Variants in TMTC2 observed in about 807,000 individuals in gnomAD.
TMTC2 encodes transmembrane O-mannosyltransferase targeting cadherins 2, also known as protein O-mannosyl-transferase TMTC2.
Under a neutral mutation model 82.4 loss-of-function variants are expected in TMTC2, and 43 were observed. The ratio of observed to expected loss-of-function variants is 0.52; its 90% CI spans 0.41 to 0.67. TMTC2 has a LOEUF of 0.67. Among genes scored for constraint, TMTC2 ranks in the 30% least tolerant of loss-of-function variants. The pLI is 0.00. For synonymous variants in TMTC2, 408 were observed against 381.9 expected (o/e 1.07, Z -0.80); for missense variants, 919 against 1,012.4 (o/e 0.91, Z 1.25).
chr12:82,852,106 T>C (rs1871005970), intron 1 of TMTC2, among the ~76,000 whole-genome samples: 1 of 151,312 alleles, frequency 6.6e-6, no homozygotes, highest in Non-Finnish European at 1.5e-5. Flanking sequence ...ACTATCTTTT[T>C]TTTTTTTTTT....
At chr12:82,874,468 CT>C (rs1872377779) in intron 2 of TMTC2, among the ~76,000 whole-genome samples, 1 of 152,144 alleles carries the variant, frequency 6.6e-6, no homozygotes, top group South Asian at 2.1e-4. Context: ...GAAAGATGGG[CT>C]TCTTGTGCAG....
intron 8 of TMTC2, among the ~76,000 whole-genome samples, chr12:83,003,022 G>A (rs912143668): frequency 1.1e-4 from 17 of 152,128 alleles, no homozygotes; most frequent in African/African-American, 3.9e-4. Context: ...GGGAGTTAAA[G>A]CCTCCCACTA....
intron 4 of TMTC2, among the ~76,000 whole-genome samples, chr12:82,950,552 C>G (rs77981495): frequency 6.6e-6 from 1 of 152,118 alleles, no homozygotes; most frequent in Non-Finnish European, 1.5e-5. Flanking sequence ...AAGGTTGATA[C>G]CTTTATGGGT....
At chr12:82,822,707 T>C (rs1023312873) in intron 1 of TMTC2, among the ~76,000 whole-genome samples, 35 of 152,206 alleles carry the variant, frequency 2.3e-4, no homozygotes, top group African/African-American at 8.4e-4. Flanking sequence ...TTTTCTCAAA[T>C]TCCCAGTAGC....
At chr12:83,084,947 G>A (rs144318131) in intron 11 of TMTC2, among the ~76,000 whole-genome samples, 305 of 152,344 alleles carry the variant, frequency 2.0e-3, no homozygotes, top group African/African-American at 6.9e-3. Flanking sequence ...TGCTTTCTGG[G>A]GAGAGTATTT....
At chr12:82,839,586 A>G (rs1870226545) in intron 1 of TMTC2, among the ~76,000 whole-genome samples, 1 of 152,220 alleles carries the variant, frequency 6.6e-6, no homozygotes, top group Non-Finnish European at 1.5e-5. Context: ...GGCCATCTTT[A>G]AAAACATAAT....
At chr12:82,940,803 A>T (rs35573775) in intron 4 of TMTC2, among the ~76,000 whole-genome samples, 8,274 of 151,526 alleles carry the variant, frequency 0.055, 314 homozygotes, top group Non-Finnish European at 0.082. Context: ...AGGTTTCTGG[A>T]TACCTCTCCC....
chr12:82,906,860 A>C (rs1047081260), intron 3 of TMTC2, among the ~76,000 whole-genome samples: 5 of 152,104 alleles, frequency 3.3e-5, no homozygotes, highest in Admixed American at 6.6e-5. Context: ...AAAGCATCCC[A>C]CCAATAAAGG....
At chr12:82,996,739 G>C (rs188756993) in intron 8 of TMTC2, among the ~76,000 whole-genome samples, 25 of 152,248 alleles carry the variant, frequency 1.6e-4, no homozygotes. Context: ...GTGGTTTTTA[G>C]AGGTAACATC....
At chr12:82,692,640 A>G (rs1026736612) in intron 1 of TMTC2, among the ~76,000 whole-genome samples, 5 of 152,218 alleles carry the variant, frequency 3.3e-5, no homozygotes, top group Admixed American at 3.3e-4. Flanking sequence ...AGCAACTTTC[A>G]TCTGTTAACC....
At chr12:82,908,468 C>T (rs1414519887) in intron 3 of TMTC2, among the ~76,000 whole-genome samples, 5 of 152,006 alleles carry the variant, frequency 3.3e-5, no homozygotes, top group Non-Finnish European at 7.4e-5. Context: ...CACTTAGTCT[C>T]TTTGATGAAT....
rs371399609 is a variant in TMTC2 at position 82,941,110 on chromosome 12, T to A, written c.1598+10565T>A. On this transcript the variant is annotated intron_variant, in intron 4 of 11. Transcript: ENST00000321196. ...ATAAAGGGGAACATGGTGTCACAAATGTTAATATCCAGATTAAAAAGAGCC... is the reference window on the plus strand; with the variant it reads ...ATAAAGGGGAACATGGTGTCACAAAAGTTAATATCCAGATTAAAAAGAGCC... 7.9e-5 allele frequency among the ~76,000 whole-genome samples: 12 copies of A among 152,274 alleles called. No homozygotes were observed. The East Asian group carries it at 2.3e-3, about 29-fold the overall frequency.
intron 1 of TMTC2, among the ~76,000 whole-genome samples, chr12:82,742,875 A>G (rs968580281): frequency 3.3e-5 from 5 of 151,938 alleles, no homozygotes; most frequent in African/African-American, 1.2e-4. Flanking sequence ...TATTAACACC[A>G]CTTCACCATT....
At chr12:82,783,376 T>G (rs902449118) in intron 1 of TMTC2, among the ~76,000 whole-genome samples, 1 of 151,480 alleles carries the variant, frequency 6.6e-6, no homozygotes, top group East Asian at 1.9e-4. Flanking sequence ...TTCCTGAAGA[T>G]CCTCCCTTGC....
intron 8 of TMTC2, among the ~76,000 whole-genome samples, chr12:82,990,209 T>C (rs543687351): frequency 6.6e-6 from 1 of 152,174 alleles, no homozygotes; most frequent in Admixed American, 6.5e-5. Flanking sequence ...AGGGAAAATA[T>C]GTAAAAATGA....
At chr12:82,759,725 A>G (rs1392825327) in intron 1 of TMTC2, 1 of 152,262 alleles carries the variant, frequency 6.6e-6, no homozygotes, top group Non-Finnish European at 1.5e-5. Flanking sequence ...AGTCAGAAAC[A>G]GTGGCTATGC....
At chr12:83,127,683 T>A (rs59148775) in intron 11 of TMTC2, among the ~76,000 whole-genome samples, 10,557 of 152,180 alleles carry the variant, frequency 0.069, 580 homozygotes, top group East Asian at 0.29. Context: ...GCCAGAACAA[T>A]GATTTTGTGT....
chr12:82,745,472 T>C (rs1455315484), intron 1 of TMTC2, among the ~76,000 whole-genome samples: 1 of 152,240 alleles, frequency 6.6e-6, no homozygotes, highest in Non-Finnish European at 1.5e-5. Flanking sequence ...AGTTTTGTTA[T>C]CCATGGGAGC....
At chr12:83,063,746 G>GT (rs1173651047) in intron 11 of TMTC2, among the ~76,000 whole-genome samples, 1 of 151,862 alleles carries the variant, frequency 6.6e-6, no homozygotes, top group Non-Finnish European at 1.5e-5. Context: ...AGAGTACCAG[G>GT]TATTACTTTA....
Sources: gnomAD v4.1 joint callset for allele counts (sites outside exome capture counted in the v4.1 genomes callset) on GRCh38, gnomAD v4.1.1 for gene constraint, MANE v1.5 for transcripts, NCBI Gene and HGNC (gene_info 2026-07-23, HGNC 2026-07-21) for gene names.